The following ANKFN1 variants were observed in gnomAD, a reference collection of about 807,000 sequenced individuals.
ANKFN1 encodes the protein ankyrin repeat and fibronectin type III domain containing 1.
In ANKFN1, 74 loss-of-function variants were observed where a neutral mutation model predicts 108.7. That is an observed-to-expected ratio of 0.68 (90% CI 0.56 to 0.83). The LOEUF is 0.83. Ranked by LOEUF, ANKFN1 falls within the 40% of genes least tolerant of loss-of-function variation. The pLI, the probability that ANKFN1 is intolerant of heterozygous loss-of-function variation, is 0.00. For synonymous variants in ANKFN1, 547 were observed against 516.2 expected, an observed-to-expected ratio of 1.06 and a Z score of -0.81; for missense variants, 1,505 against 1,382.3, an observed-to-expected ratio of 1.09 and a Z score of -1.41.
In ANKFN1 at chr17:56,515,001, C is replaced by T. The variant is rs994539326; in HGVS notation, c.*3732C>T. ...GAGGAGGCATCCCAGAAAATACCTG[C>T]TTGGCCTCCTCTGGTTCTTCATCCT... On this transcript the variant is annotated 3_prime_UTR_variant, in exon 21 of 21. Coordinates refer to ENST00000682825, the MANE Select transcript of ANKFN1 (RefSeq NM_001370326.1). 2.6e-5 allele frequency among the ~76,000 whole-genome samples: 4 copies of T among 152,170 alleles called. No homozygotes were observed. Among genetic ancestry groups the T allele is most frequent in the African/African-American group, 9.6e-5 (4 of 41,536 alleles).
At chr17:56,098,990 C>T (rs1183508575) in intron 4 of ANKFN1, among the ~76,000 whole-genome samples, 2 of 152,114 alleles carry the variant, frequency 1.3e-5, no homozygotes, top group Admixed American at 6.5e-5. Context: ...TCTTTCCAGC[C>T]CGTCCACACC....
chr17:56,436,855 A>AG (rs2048947832), intron 8 of ANKFN1, among the ~76,000 whole-genome samples: 1 of 151,542 alleles, frequency 6.6e-6, no homozygotes, highest in Admixed American at 6.6e-5. Context: ...AAAAAAAAAA[A>AG]GAATTCCCAG....
intron 4 of ANKFN1, among the ~76,000 whole-genome samples, chr17:56,143,716 G>A (rs149768004): frequency 2.4e-4 from 36 of 152,260 alleles, no homozygotes; most frequent in African/African-American, 5.8e-4. Flanking sequence ...CCAGTGATGC[G>A]TCCTTATAAG....
Position 56,408,020 on chromosome 17 carries a change from C to T in ANKFN1, c.911-32307C>T, listed in dbSNP as rs190870763. Among the ~76,000 whole-genome samples the T allele has an allele frequency of 6.0e-5, 9 of 150,502 alleles. No individual in the cohort carries two copies. The East Asian group carries it at 9.8e-4, about 16-fold the overall frequency. On this transcript the variant is annotated intron_variant, in intron 8 of 20. Transcript: ENST00000682825. ...CGTGATTTCGGCTCACTGCAACCTC[C>T]GCCTCCCGGGTTCAAGCGATTCTCT...
chr17:56,294,229 T>A (rs1335146682), intron 3 of ANKFN1, among the ~76,000 whole-genome samples: 3 of 152,182 alleles, frequency 2.0e-5, no homozygotes, highest in Non-Finnish European at 4.4e-5. Flanking sequence ...CTGTTTAGGG[T>A]TATCTGTGGC....
In ANKFN1 at chr17:56,516,238, T is replaced by C. The variant is rs1417702759; in HGVS notation, c.*4969T>C. The stretch of plus-strand genomic sequence containing the variant: ...TATGTGACCACAAGCATCAGTTTGA[T>C]GTTTGTGATTTTTAAAAAAGTGTGT... On this transcript the variant is annotated 3_prime_UTR_variant, in exon 21 of 21. Transcript: ENST00000682825. Among the ~76,000 whole-genome samples, 1 of 150,936 alleles carries C rather than the reference T, an allele frequency of 6.6e-6. No homozygotes were observed. The highest frequency in any genetic ancestry group is 1.5e-5 in the Non-Finnish European group (1 of 67,912).
intron 14 of ANKFN1, among the ~76,000 whole-genome samples, chr17:56,458,654 T>C (rs2049796742): frequency 6.6e-6 from 1 of 152,170 alleles, no homozygotes; most frequent in South Asian, 2.1e-4. Flanking sequence ...CTCTTACTGT[T>C]TTCTGGTATT....
intron 1 of ANKFN1, among the ~76,000 whole-genome samples, chr17:56,181,950 A>T (rs2143631890): frequency 6.6e-6 from 1 of 152,050 alleles, no homozygotes; most frequent in African/African-American, 2.4e-5. Flanking sequence ...CTATTATTTT[A>T]TCTGTTGTGG....
At chr17:56,496,430 C>G (rs567076611) in intron 19 of ANKFN1, among the ~76,000 whole-genome samples, 1 of 152,266 alleles carries the variant, frequency 6.6e-6, no homozygotes, top group Admixed American at 6.5e-5. Context: ...TATTCCCTCA[C>G]AGCTCTGGAG....
chr17:56,135,648 G>A (rs1365050602), intron 4 of ANKFN1, among the ~76,000 whole-genome samples: 2 of 152,162 alleles, frequency 1.3e-5, no homozygotes, highest in African/African-American at 4.8e-5. Flanking sequence ...ATGCTTTCTT[G>A]TTCTTCAGGC....
At chr17:56,492,422 G>C (rs961115969) in intron 19 of ANKFN1, 69 bp downstream of exon 19, 1 of 678,134 alleles carries the variant, frequency 1.5e-6, no homozygotes, top group Middle Eastern at 2.5e-4. Context: ...GAAAAGCCAA[G>C]CATGGGAAAG....
intron 1 of ANKFN1, among the ~76,000 whole-genome samples, chr17:56,171,417 A>T (rs1018004308): frequency 6.6e-6 from 1 of 152,162 alleles, no homozygotes; most frequent in Non-Finnish European, 1.5e-5. Flanking sequence ...TCTATACCCC[A>T]GGAGGCTCTC....
intron 8 of ANKFN1, among the ~76,000 whole-genome samples, chr17:56,432,036 G>A (rs1180914032): frequency 2.0e-5 from 3 of 152,232 alleles, no homozygotes; most frequent in African/African-American, 7.2e-5. Context: ...CTCTTGGCCT[G>A]TGGAAGCGCT....
intron 3 of ANKFN1, among the ~76,000 whole-genome samples, chr17:56,267,794 T>C (rs1326851088): frequency 6.6e-6 from 1 of 152,204 alleles, no homozygotes; most frequent in Non-Finnish European, 1.5e-5. Context: ...TTGGTTATTG[T>C]AGGCTTCTAG....
chr17:56,298,727 C>T (rs553589805), intron 3 of ANKFN1, among the ~76,000 whole-genome samples: 3 of 152,272 alleles, frequency 2.0e-5, no homozygotes, highest in East Asian at 1.9e-4. Flanking sequence ...CCATTAGTAA[C>T]AATTTTAAGT....
intron 3 of ANKFN1, among the ~76,000 whole-genome samples, chr17:56,303,851 A>ATTTTTTTTTTTTTTTTTT (rs34077118): frequency 7.6e-6 from 1 of 131,944 alleles, no homozygotes; most frequent in Non-Finnish European, 1.6e-5. Context: ...CGCTGAGCCA[A>ATTTTTTTTTTTTTTTTTT]TTTTTTTTTT....
chr17:56,098,033 C>G (rs1370000168), intron 4 of ANKFN1, among the ~76,000 whole-genome samples: 5 of 152,122 alleles, frequency 3.3e-5, no homozygotes, highest in Admixed American at 3.3e-4. Context: ...TGGGTGGGCT[C>G]TAAATGCCAT....
In ANKFN1 at chr17:56,158,035, C is replaced by A. The variant is rs571716638; in HGVS notation, c.-71+4505C>A. Among the ~76,000 whole-genome samples, 13 of 152,286 alleles carry A rather than the reference C, an allele frequency of 8.5e-5. No individual in the cohort carries two copies. The South Asian group carries it at 1.0e-3, about 12-fold the overall frequency. On this transcript the variant is annotated intron_variant, in intron 1 of 20. Transcript: ENST00000682825. ...CAGCTTTCAGGAATGCTAAATAATC[C>A]GCCAGATGCATCTGCCATGGTGTTT...
At chr17:56,497,222 T>C (rs2051225949) in intron 19 of ANKFN1, among the ~76,000 whole-genome samples, 1 of 152,138 alleles carries the variant, frequency 6.6e-6, no homozygotes, top group South Asian at 2.1e-4. Context: ...ATTCCCACTT[T>C]GGCTTTATCC....
Sources: allele counts gnomAD v4.1 joint callset (sites outside exome capture counted in the v4.1 genomes callset), GRCh38; gene constraint gnomAD v4.1.1; transcripts MANE v1.5; gene names NCBI Gene and HGNC (gene_info 2026-07-23, HGNC 2026-07-21).